Variants in VPS13D observed in about 807,000 individuals in gnomAD.
VPS13D encodes intermembrane lipid transfer protein VPS13D.
Under a neutral mutation model 461.9 loss-of-function variants are expected in VPS13D, and 187 were observed. The observed-to-expected ratio is 0.40, with a 90% CI of 0.36 to 0.46. The LOEUF (loss-of-function observed/expected upper bound fraction) is 0.46. VPS13D is among the 20% of genes least tolerant of loss of function. The pLI, the probability that VPS13D is intolerant of heterozygous loss-of-function variation, is 0.60. For synonymous variants in VPS13D, 1,951 were observed against 1,986.3 expected, an observed-to-expected ratio of 0.98 and a Z score of 0.47; for missense variants, 4,711 against 5,364.9, an observed-to-expected ratio of 0.88 and a Z score of 3.81.
At position 12,500,063 on chromosome 1, in the gene VPS13D, A is replaced by G. The variant is rs995799507; in HGVS notation, c.12794+2432A>G. 5 of 985,148 alleles carry G rather than the reference A, an allele frequency of 5.1e-6. No homozygotes were observed. The African/African-American group carries it at 7.0e-5, about 14-fold the overall frequency. The allele number at this position is 985,148 out of a possible 1,614,324, so 61.0% of individuals were successfully genotyped here. A position where few individuals can be genotyped will look rare whatever the true frequency, so the allele number is the denominator to read the frequency against. On this transcript the variant is annotated intron_variant, in intron 68 of 69. Coordinates refer to ENST00000620676, the MANE Select transcript of VPS13D (RefSeq NM_015378.4). The stretch of plus-strand genomic sequence containing the variant: ...TTTTTCCAGTTAGGCTCACTGTTTC[A>G]CTTCTGGAAAATATTGTGTAATTAT...
At position 12,333,339 on chromosome 1, in the gene VPS13D, G is replaced by A; in HGVS notation, c.8401G>A (p.Asp2801Asn). ...KLEAKAKPRLDINITSVLIDQ... is the reference protein window; with the variant it reads ...KLEAKAKPRLNINITSVLIDQ... ...AGAAGCCAAGGCCAAACCTCGTTTG[G>A]ATATCAATATCACTTCTGTGCTAAT... is the stretch of plus-strand genomic sequence containing the variant. The change falls in exon 38 of 70, where the codon GAT (aspartate) becomes AAT (asparagine). Residue 2801 changes from aspartate to asparagine, a missense_variant. Transcript: ENST00000620676. The A allele has an allele frequency of 6.2e-7, 1 of 1,614,128 alleles. No homozygotes were observed. The highest frequency in any genetic ancestry group is 8.5e-7 in the Non-Finnish European group (1 of 1,180,008).
chr1:12,253,949 A>T, intron 7 of VPS13D, 123 bp downstream of exon 7: 1 of 717,872 alleles, frequency 1.4e-6, no homozygotes, highest in Non-Finnish European at 2.4e-6. Flanking sequence ...TGTTCCTCTA[A>T]AGCCATTCAC....
At chr1:12,371,720 T>C (rs1209702375) in intron 54 of VPS13D, among the ~76,000 whole-genome samples, 1 of 152,154 alleles carries the variant, frequency 6.6e-6, no homozygotes, top group Non-Finnish European at 1.5e-5. Flanking sequence ...GTACCCAGTA[T>C]TTTTTGTGGC....
chr1:12,236,832 G>GT (rs1640164097), intron 2 of VPS13D, among the ~76,000 whole-genome samples: 1 of 152,080 alleles, frequency 6.6e-6, no homozygotes, highest in African/African-American at 2.4e-5. Flanking sequence ...AGTAACCTGG[G>GT]TAGGTTATCA....
At position 12,470,649 on chromosome 1, in the gene VPS13D, C is replaced by CA. The variant is rs545663842; in HGVS notation, c.12662+10256dup. ...CTGGGAATATTTAAATAATTGAGGA[C>CA]AAACTGCTCTGAAGAATCACCAAGC... On this transcript the variant is annotated intron_variant, in intron 67 of 69. Transcript: ENST00000620676. Among the ~76,000 whole-genome samples, 339 of 152,270 alleles carry CA rather than the reference C, an allele frequency of 2.2e-3. 1 individual carries two copies. Among genetic ancestry groups the CA allele is most frequent in the African/African-American group, 8.0e-3 (332 of 41,540 alleles).
chr1:12,411,967 C>T lies in VPS13D; in HGVS notation c.12031-3120C>T, dbSNP rs188754851. ...AAAGGTCACACATTATTATATCTCT[C>T]GCATCCTATTGGCTGAAGCAAATCA... On this transcript the variant is annotated intron_variant, in intron 63 of 69. Transcript: ENST00000620676. 4.1e-4 allele frequency among the ~76,000 whole-genome samples: 62 copies of T among 152,300 alleles called. 1 individual carries two copies. Among genetic ancestry groups the T allele is most frequent in the Admixed American group, 3.3e-3 (50 of 15,296 alleles).
Position 12,266,994 on chromosome 1 carries a change from C to A in VPS13D, c.1708C>A (p.Leu570Ile), listed in dbSNP as rs1212968140. 3.1e-6 allele frequency: 5 copies of A among 1,604,716 alleles called. No individual in the cohort carries two copies. Among genetic ancestry groups the A allele is most frequent in the Non-Finnish European group, 4.2e-6 (5 of 1,177,022 alleles). ...TACAGAAGGAACTATGTTTCCTCTT[C>A]TAGTCTTCCCTAATCCAGTATGTAC... ...LATEGTMFPL[L>I]VFPNPQKEVG... is the part of the protein sequence containing the mutation. Residue 570 changes from leucine to isoleucine, a missense_variant, in exon 14 of 70, where the codon CTA (leucine) becomes ATA (isoleucine). Transcript: ENST00000620676.
At chr1:12,419,658 A>T (rs903325883) in intron 65 of VPS13D, among the ~76,000 whole-genome samples, 1 of 152,154 alleles carries the variant, frequency 6.6e-6, no homozygotes, top group African/African-American at 2.4e-5. Flanking sequence ...CACCAAGGGG[A>T]TGGTACTAAT....
chr1:12,270,002 A>G (rs1489183366), intron 16 of VPS13D, among the ~76,000 whole-genome samples: 1 of 152,146 alleles, frequency 6.6e-6, no homozygotes, highest in Non-Finnish European at 1.5e-5. Context: ...AAAATAAAAT[A>G]AAATTAATCA....
At chr1:12,345,557 C>T in intron 43 of VPS13D, 48 bp downstream of exon 43, 3 of 1,584,808 alleles carry the variant, frequency 1.9e-6, no homozygotes, top group Middle Eastern at 1.7e-4. Flanking sequence ...GTCAGGAAGT[C>T]AGATGGTTAA....
chr1:12,455,883 C>T lies in VPS13D; in HGVS notation c.12334-115C>T, dbSNP rs1408589447. On this transcript the variant is annotated intron_variant, in intron 65 of 69. Coordinates refer to ENST00000620676, the MANE Select transcript of VPS13D (RefSeq NM_015378.4). ...GTGATGAGATGAGATCACACCACTACAGACCAGCATGGGCTTATCTAATTG... is the reference window on the plus strand; with the variant it reads ...GTGATGAGATGAGATCACACCACTATAGACCAGCATGGGCTTATCTAATTG... The T allele has an allele frequency of 6.8e-6, 9 of 1,325,288 alleles. No individual in the cohort carries two copies. The Admixed American group carries it at 2.2e-4, about 32-fold the overall frequency. 82.1% of individuals were successfully genotyped at this position (1,325,288 alleles called of 1,614,324 possible).
intron 35 of VPS13D, among the ~76,000 whole-genome samples, chr1:12,326,641 T>G: frequency 6.6e-6 from 1 of 151,212 alleles, no homozygotes; most frequent in Non-Finnish European, 1.5e-5. Flanking sequence ...GGCCTCTGTT[T>G]GGTAATTTTT....
intron 60 of VPS13D, among the ~76,000 whole-genome samples, chr1:12,388,033 A>G (rs1368303233): frequency 2.6e-5 from 4 of 152,222 alleles, no homozygotes; most frequent in Non-Finnish European, 4.4e-5. Flanking sequence ...AAAGTAATGA[A>G]TACCAGAAAT....
At chr1:12,453,218 AAGAAGAGGG>A (rs1295621154) in intron 65 of VPS13D, among the ~76,000 whole-genome samples, 1 of 152,010 alleles carries the variant, frequency 6.6e-6, no homozygotes, top group African/African-American at 2.4e-5. Flanking sequence ...ATGGGAGTAG[AAGAAGAGGG>A]AGTGATATTG....
At chr1:12,425,133 A>AT (rs896439322) in intron 65 of VPS13D, among the ~76,000 whole-genome samples, 17 of 150,758 alleles carry the variant, frequency 1.1e-4, no homozygotes, top group Admixed American at 2.6e-4. Flanking sequence ...GTTCTTTCTA[A>AT]TTTTTTTTTT....
At chr1:12,388,016 T>C (rs767805879) in intron 60 of VPS13D, among the ~76,000 whole-genome samples, 3 of 152,204 alleles carry the variant, frequency 2.0e-5, no homozygotes, top group Non-Finnish European at 4.4e-5. Context: ...TGAAGTCTGT[T>C]CTACACAAAG....
At chr1:12,460,471 G>A in intron 67 of VPS13D, 75 bp downstream of exon 67, 1 of 1,306,964 alleles carries the variant, frequency 7.7e-7, no homozygotes, top group Non-Finnish European at 1.0e-6. Flanking sequence ...ATACTGATGT[G>A]TTTAATTGTG....
intron 35 of VPS13D, among the ~76,000 whole-genome samples, chr1:12,327,379 T>C (rs1210945712): frequency 6.6e-6 from 1 of 152,200 alleles, no homozygotes; most frequent in Non-Finnish European, 1.5e-5. Flanking sequence ...TTGGGCCAGA[T>C]CGTGAAAGGT....
chr1:12,276,536 C>A lies in VPS13D; in HGVS notation c.2948C>A (p.Thr983Asn). The A allele has an allele frequency of 6.2e-7, 1 of 1,614,122 alleles. No homozygotes were observed. The highest frequency in any genetic ancestry group is 1.1e-5 in the South Asian group (1 of 91,074). The change falls in exon 19 of 70, where the codon ACC becomes AAC. Residue 983 changes from threonine to asparagine, a missense_variant. This residue lies in a region of VPS13D where 4,411 missense variants were observed against 4,937.8 expected (regional missense o/e 0.89). Transcript: ENST00000620676. This position sits in a 1 kb window ranked among gnomAD's most constrained non-coding sequence, Gnocchi z 4.5. ...RYISVLKVFG[T>N]NAHFVKRPYD... ...ATTTCTGTGCTCAAGGTGTTTGGTA[C>A]CAATGCTCACTTTGTGAAGAGGCCT...
Sources: gnomAD v4.1 joint callset for allele counts (sites outside exome capture counted in the v4.1 genomes callset) on GRCh38, gnomAD v4.1.1 for gene constraint, gnomAD v4.1.1 regional missense constraint, Gnocchi (gnomAD v3.1) non-coding constraint, MANE v1.5 for transcripts, NCBI Gene and HGNC (gene_info 2026-07-23, HGNC 2026-07-21) for gene names.